The following NKAIN2 variants were observed in gnomAD, a reference collection of about 807,000 sequenced individuals.
NKAIN2 encodes the protein sodium/potassium-transporting ATPase subunit beta-1-interacting protein 2.
In NKAIN2, 14 loss-of-function variants were observed where a neutral mutation model predicts 32.6. The ratio of observed to expected loss-of-function variants is 0.43; its 90% CI spans 0.28 to 0.67. The LOEUF (loss-of-function observed/expected upper bound fraction) is 0.67, where lower values mean the gene tolerates loss of function less well. NKAIN2 is among the 30% of genes least tolerant of loss of function. NKAIN2 has a pLI of 0.17. For missense variants in NKAIN2, 198 were observed against 258.3 expected, an observed-to-expected ratio of 0.77 and a Z score of 1.60; for synonymous variants, 80 against 87.2, an observed-to-expected ratio of 0.92 and a Z score of 0.46.
At chr6:124,372,347 A>G (rs12204076) in intron 3 of NKAIN2, among the ~76,000 whole-genome samples, 32,353 of 152,070 alleles carry the variant, frequency 0.21, 3,622 homozygotes, top group Admixed American at 0.29. Context: ...GGCTGTCTGT[A>G]TGTGACATGT....
chr6:124,674,789 T>C (rs887625557), intron 4 of NKAIN2, among the ~76,000 whole-genome samples: 3 of 152,056 alleles, frequency 2.0e-5, no homozygotes, highest in African/African-American at 7.2e-5. Context: ...ACAGATTATG[T>C]CATCTGAGAA....
At chr6:124,121,315 T>C (rs761471872) in intron 1 of NKAIN2, among the ~76,000 whole-genome samples, 5 of 152,042 alleles carry the variant, frequency 3.3e-5, no homozygotes, top group African/African-American at 4.8e-5. Flanking sequence ...TGTTTTCCAG[T>C]AGGTTGATGG....
intron 1 of NKAIN2, among the ~76,000 whole-genome samples, chr6:124,112,430 C>T (rs1017272030): frequency 6.6e-6 from 1 of 152,128 alleles, no homozygotes; most frequent in African/African-American, 2.4e-5. Context: ...TAAATTTACT[C>T]ATAGTCTCAT....
chr6:124,296,113 T>G (rs561247088), intron 2 of NKAIN2, among the ~76,000 whole-genome samples: 1 of 152,268 alleles, frequency 6.6e-6, no homozygotes, highest in Non-Finnish European at 1.5e-5. Context: ...TTGCATTCTC[T>G]TTCACATTCA....
intron 3 of NKAIN2, among the ~76,000 whole-genome samples, chr6:124,657,965 A>G (rs1256314301): frequency 6.6e-6 from 1 of 152,048 alleles, no homozygotes; most frequent in Non-Finnish European, 1.5e-5. Flanking sequence ...AATTTGATCT[A>G]TATTATTATA....
chr6:124,475,040 G>A (rs1042083136), intron 3 of NKAIN2, among the ~76,000 whole-genome samples: 28 of 151,098 alleles, frequency 1.9e-4, no homozygotes, highest in African/African-American at 2.9e-4. Flanking sequence ...TGACTCAACC[G>A]GATATAAAGT....
intron 3 of NKAIN2, among the ~76,000 whole-genome samples, chr6:124,472,281 A>G (rs1454226180): frequency 6.6e-6 from 1 of 152,208 alleles, no homozygotes; most frequent in Admixed American, 6.6e-5. Context: ...TGATTTGTTT[A>G]GCATCTATTT....
chr6:123,829,327 T>A (rs372844530), intron 1 of NKAIN2: 7 of 152,228 alleles, frequency 4.6e-5, no homozygotes, highest in African/African-American at 1.7e-4. Context: ...ATTGTCTATC[T>A]GACAGCATCC....
chr6:123,920,252 A>C (rs944631995), intron 1 of NKAIN2, among the ~76,000 whole-genome samples: 1 of 152,152 alleles, frequency 6.6e-6, no homozygotes, highest in Admixed American at 6.5e-5. Context: ...CGCTGGCAAA[A>C]TAAGCACTTT....
At chr6:123,822,816 A>G (rs1773980297) in intron 1 of NKAIN2, among the ~76,000 whole-genome samples, 1 of 152,178 alleles carries the variant, frequency 6.6e-6, no homozygotes, top group Non-Finnish European at 1.5e-5. Flanking sequence ...CTTAATCTGT[A>G]ATGTATTTAC....
intron 3 of NKAIN2, among the ~76,000 whole-genome samples, chr6:124,643,694 T>G (rs544209561): frequency 2.8e-4 from 42 of 152,348 alleles, no homozygotes; most frequent in African/African-American, 9.6e-4. Context: ...CTAGGCTTAT[T>G]GCCATTTCAT....
chr6:124,683,847 A>G (rs956762365), intron 4 of NKAIN2, among the ~76,000 whole-genome samples: 2 of 152,194 alleles, frequency 1.3e-5, no homozygotes, highest in East Asian at 1.9e-4. Context: ...GCGAGCCCAC[A>G]TGGTTCTGGC....
intron 1 of NKAIN2, among the ~76,000 whole-genome samples, chr6:124,083,519 A>G (rs1019153306): frequency 1.3e-5 from 2 of 151,818 alleles, no homozygotes; most frequent in African/African-American, 4.8e-5. Context: ...ATAATATAAA[A>G]TTTATATTTA....
At chr6:123,850,026 T>C (rs2210631) in intron 1 of NKAIN2, among the ~76,000 whole-genome samples, 40,165 of 144,910 alleles carry the variant, frequency 0.28, 6,879 homozygotes, top group Admixed American at 0.41. Flanking sequence ...CAGGCTGGTC[T>C]CCAACTCCTG....
intron 1 of NKAIN2, among the ~76,000 whole-genome samples, chr6:124,186,962 G>A (rs923118095): frequency 1.2e-5 from 1 of 84,600 alleles, no homozygotes; most frequent in African/African-American, 4.0e-5. Context: ...GAAAAGTACT[G>A]ATGATTTTTT....
chr6:124,380,374 C>A (rs75891088), intron 3 of NKAIN2, among the ~76,000 whole-genome samples: 1 of 152,184 alleles, frequency 6.6e-6, no homozygotes, highest in Non-Finnish European at 1.5e-5. Context: ...TTTCATGTCT[C>A]ACTTCTTCAC....
rs536959951 is a variant in NKAIN2 at position 124,103,000 on chromosome 6, G to A, written c.55-180005G>A. 1.2e-3 allele frequency among the ~76,000 whole-genome samples: 187 copies of A among 152,192 alleles called. 1 individual carries two copies. Among genetic ancestry groups the A allele is most frequent in the African/African-American group, 4.4e-3 (183 of 41,528 alleles). On this transcript the variant is annotated intron_variant, in intron 1 of 6. Transcript: ENST00000368417. ...AAACACGTATTAATTGTGTGACATTGTACTCAGAAAACAGTAGACTGAAAA... is the reference window on the plus strand; with the variant it reads ...AAACACGTATTAATTGTGTGACATTATACTCAGAAAACAGTAGACTGAAAA...
At chr6:124,766,965 G>A (rs1778540702) in intron 4 of NKAIN2, among the ~76,000 whole-genome samples, 1 of 152,182 alleles carries the variant, frequency 6.6e-6, no homozygotes, top group East Asian at 1.9e-4. Context: ...CGCCATCCTG[G>A]CTCACTGCAA....
intron 1 of NKAIN2, among the ~76,000 whole-genome samples, chr6:124,148,828 C>G (rs1025602771): frequency 1.3e-5 from 2 of 152,084 alleles, no homozygotes; most frequent in Non-Finnish European, 2.9e-5. Flanking sequence ...GGATTTATAA[C>G]TAGGATGAGA....
Sources: gnomAD v4.1 joint callset for allele counts (sites outside exome capture counted in the v4.1 genomes callset) on GRCh38, gnomAD v4.1.1 for gene constraint, MANE v1.5 for transcripts, NCBI Gene and HGNC (gene_info 2026-07-23, HGNC 2026-07-21) for gene names.